The following MECOM variants were observed in gnomAD, a reference collection of about 807,000 sequenced individuals.
MECOM encodes the protein histone-lysine N-methyltransferase MECOM.
A neutral mutation model predicts 116.3 loss-of-function variants in MECOM; 13 were observed. That is an observed-to-expected ratio of 0.11 (90% CI 0.07 to 0.18). The LOEUF is 0.18. Ranked by LOEUF, MECOM falls within the 10% of genes least tolerant of loss-of-function variation. MECOM has a pLI of 1.00. For synonymous variants in MECOM, 528 were observed against 535.2 expected, an observed-to-expected ratio of 0.99 and a Z score of 0.19; for missense variants, 1,299 against 1,509.0, an observed-to-expected ratio of 0.86 and a Z score of 2.31.
intron 1 of MECOM, among the ~76,000 whole-genome samples, chr3:169,449,558 G>C (rs190812888): frequency 4.6e-5 from 7 of 152,122 alleles, no homozygotes; most frequent in African/African-American, 1.7e-4. Context: ...AAAGAGCCAC[G>C]CCTAGAGACT....
At chr3:169,315,759 T>G (rs1719630744) in intron 2 of MECOM, among the ~76,000 whole-genome samples, 1 of 152,190 alleles carries the variant, frequency 6.6e-6, no homozygotes, top group African/African-American at 2.4e-5. Flanking sequence ...AGGAATCAAA[T>G]ATCATCTAGC....
chr3:169,179,824 C>T (rs1745711057), intron 2 of MECOM, among the ~76,000 whole-genome samples: 2 of 152,116 alleles, frequency 1.3e-5, no homozygotes, highest in South Asian at 4.1e-4. Flanking sequence ...AGTCCAGCAG[C>T]CGGTCTCTCT....
intron 2 of MECOM, among the ~76,000 whole-genome samples, chr3:169,367,409 A>C (rs764233081): frequency 2.0e-5 from 3 of 150,980 alleles, no homozygotes; most frequent in Admixed American, 6.6e-5. Context: ...TTTTGTAGTT[A>C]CTGCCAAGGT....
At position 169,479,270 on chromosome 3, in the gene MECOM, A is replaced by AGTGTGTGT. The variant is rs10629993; in HGVS notation, c.38-97754_38-97747dup. Among the ~76,000 whole-genome samples the AGTGTGTGT allele has an allele frequency of 7.4e-3, 1,094 of 148,704 alleles. 22 individuals are homozygous for AGTGTGTGT. The highest frequency in any genetic ancestry group is 0.024 in the African/African-American group (984 of 40,344). On this transcript the variant is annotated intron_variant, in intron 1 of 16. Transcript: ENST00000651503. ...AGGAATTCACATAGATAGGGATGTG[A>AGTGTGTGT]GTGTGTGTGTGTGTGTGTGTGTGCA...
chr3:169,261,486 G>T (rs1757528089), intron 2 of MECOM, among the ~76,000 whole-genome samples: 1 of 152,130 alleles, frequency 6.6e-6, no homozygotes, highest in Admixed American at 6.5e-5. Context: ...ATCACCTGAG[G>T]TCAGGAGTTC....
At chr3:169,479,522 T>G (rs558676595) in intron 1 of MECOM, among the ~76,000 whole-genome samples, 14 of 151,956 alleles carry the variant, frequency 9.2e-5, no homozygotes, top group Non-Finnish European at 2.1e-4. Flanking sequence ...TTCTAAAGAT[T>G]ACGGCCTTCA....
At chr3:169,218,745 C>T (rs1450654084) in intron 2 of MECOM, among the ~76,000 whole-genome samples, 4 of 152,112 alleles carry the variant, frequency 2.6e-5, no homozygotes, top group Non-Finnish European at 4.4e-5. Context: ...TATTAGGCAT[C>T]AAAAAGCCTA....
At chr3:169,369,315 G>A (rs1455267895) in intron 2 of MECOM, among the ~76,000 whole-genome samples, 3 of 146,456 alleles carry the variant, frequency 2.0e-5, no homozygotes, top group Admixed American at 1.4e-4. Context: ...CTTCTGGAGG[G>A]TAAATGTCTA....
chr3:169,539,065 C>T (rs1759742954), intron 1 of MECOM, among the ~76,000 whole-genome samples: 1 of 151,042 alleles, frequency 6.6e-6, no homozygotes, highest in South Asian at 2.1e-4. Flanking sequence ...CCTGAAACAA[C>T]CTCTTCATTT....
At chr3:169,234,456 A>G (rs1179878271) in intron 2 of MECOM, among the ~76,000 whole-genome samples, 2 of 152,134 alleles carry the variant, frequency 1.3e-5, no homozygotes, top group Non-Finnish European at 2.9e-5. Context: ...GACATATAAA[A>G]GCAATTTAAA....
At chr3:169,282,542 GGAAAGA>G (rs1712303764) in intron 2 of MECOM, among the ~76,000 whole-genome samples, 1 of 152,078 alleles carries the variant, frequency 6.6e-6, no homozygotes. Context: ...CAGCTGTAAA[GGAAAGA>G]GAAAGTATTT....
chr3:169,332,291 C>T (rs1423393729), intron 2 of MECOM, among the ~76,000 whole-genome samples: 14 of 151,890 alleles, frequency 9.2e-5, no homozygotes, highest in Admixed American at 9.2e-4. Context: ...AAAGTCCTTG[C>T]CCTTCGAAGG....
intron 1 of MECOM, among the ~76,000 whole-genome samples, chr3:169,612,019 T>C (rs1383979075): frequency 1.3e-5 from 2 of 152,166 alleles, no homozygotes; most frequent in Non-Finnish European, 2.9e-5. Context: ...CTCTACCCAG[T>C]AGGTGCTAGT....
intron 1 of MECOM, among the ~76,000 whole-genome samples, chr3:169,610,525 G>GTATA (rs68013384): frequency 1.3e-3 from 197 of 150,426 alleles, no homozygotes; most frequent in African/African-American, 3.6e-3. Context: ...GTGTGTGTGT[G>GTATA]TGTATAATAT....
intron 2 of MECOM, 111 bp downstream of exon 2, chr3:169,381,076 G>A: frequency 2.1e-6 from 2 of 965,146 alleles, no homozygotes; most frequent in East Asian, 5.2e-5. Flanking sequence ...TTAAAAACCT[G>A]TTGAAAACAT....
chr3:169,373,414 A>C (rs1338905221), intron 2 of MECOM, among the ~76,000 whole-genome samples: 2 of 151,950 alleles, frequency 1.3e-5, no homozygotes, highest in African/African-American at 4.8e-5. Context: ...TCAATTTTTT[A>C]TTCTTAAATA....
chr3:169,522,478 T>C (rs1757468488), intron 1 of MECOM, among the ~76,000 whole-genome samples: 1 of 152,218 alleles, frequency 6.6e-6, no homozygotes, highest in Non-Finnish European at 1.5e-5. Context: ...TGGTTCATAG[T>C]GAGCAAACCT....
chr3:169,133,988 A>C (rs1735572075), intron 3 of MECOM: 2 of 1,287,282 alleles, frequency 1.6e-6, no homozygotes, highest in Middle Eastern at 2.1e-4. Context: ...GAATTGTGAC[A>C]TATTAGAACT....
intron 1 of MECOM, among the ~76,000 whole-genome samples, chr3:169,408,059 C>G (rs914873622): frequency 1.3e-5 from 2 of 152,070 alleles, no homozygotes; most frequent in African/African-American, 4.8e-5. Context: ...TGTGAAATGC[C>G]AATATTCTGC....
Sources: gnomAD v4.1 joint callset for allele counts (sites outside exome capture counted in the v4.1 genomes callset) on GRCh38, gnomAD v4.1.1 for gene constraint, MANE v1.5 for transcripts, NCBI Gene and HGNC (gene_info 2026-07-23, HGNC 2026-07-21) for gene names.